XRCC4: variants seen among roughly 807,000 people sequenced by gnomAD.
XRCC4 encodes DNA repair protein XRCC4.
XRCC4 carries 28 observed loss-of-function variants against 39.1 expected under a neutral mutation model. The ratio of observed to expected loss-of-function variants is 0.72; its 90% confidence interval spans 0.53 to 0.98. The LOEUF is 0.98. Among genes scored for constraint, XRCC4 ranks in the 50% least tolerant of loss-of-function variants. XRCC4 has a pLI of 0.00. For missense variants in XRCC4, 350 were observed against 376.4 expected (o/e 0.93, Z 0.58); for synonymous variants, 123 against 126.4 (o/e 0.97, Z 0.18).
At chr5:83,125,629 C>T (rs536984456) in intron 3 of XRCC4, among the ~76,000 whole-genome samples, 6 of 152,138 alleles carry the variant, frequency 3.9e-5, no homozygotes, top group Non-Finnish European at 8.8e-5. Flanking sequence ...CCTCATGGAT[C>T]TATGTATCTG....
chr5:83,350,046 G>T (rs899481578), intron 7 of XRCC4, among the ~76,000 whole-genome samples: 2 of 152,058 alleles, frequency 1.3e-5, no homozygotes, highest in African/African-American at 4.8e-5. Flanking sequence ...AATTTGCTCT[G>T]AATTATGGCC....
intron 6 of XRCC4, among the ~76,000 whole-genome samples, chr5:83,245,438 T>C (rs1456121105): frequency 1.3e-5 from 2 of 152,088 alleles, no homozygotes; most frequent in Non-Finnish European, 2.9e-5. Flanking sequence ...TTTTAAATAA[T>C]TTATTGTCTG....
intron 6 of XRCC4, among the ~76,000 whole-genome samples, chr5:83,217,606 A>G (rs1422911393): frequency 6.6e-6 from 1 of 152,172 alleles, no homozygotes; most frequent in African/African-American, 2.4e-5. Flanking sequence ...AATGAAGTAG[A>G]GCTGAACCTC....
chr5:83,280,823 T>A (rs969165175), intron 7 of XRCC4, among the ~76,000 whole-genome samples: 17 of 152,232 alleles, frequency 1.1e-4, no homozygotes, highest in Admixed American at 3.3e-4. Context: ...GTTTATCTGT[T>A]GTTTAGTTGT....
chr5:83,364,718 T>C, the XRCC4 span, among the ~76,000 whole-genome samples: 1 of 152,316 alleles, frequency 6.6e-6, no homozygotes, highest in Non-Finnish European at 1.5e-5. Context: ...AAAAACACGG[T>C]TGAGTCTTCA....
chr5:83,307,994 C>G (rs532259344), intron 7 of XRCC4, among the ~76,000 whole-genome samples: 1 of 152,194 alleles, frequency 6.6e-6, no homozygotes, highest in South Asian at 2.1e-4. Flanking sequence ...TGTATCTTAC[C>G]AGAACATATT....
chr5:83,103,239 G>A (rs1746037972), intron 1 of XRCC4, among the ~76,000 whole-genome samples: 1 of 151,842 alleles, frequency 6.6e-6, no homozygotes, highest in African/African-American at 2.4e-5. Context: ...TTTATATTAT[G>A]TGGTTGTCTG....
the XRCC4 span, among the ~76,000 whole-genome samples, chr5:83,368,702 T>A: frequency 3.9e-5 from 6 of 152,284 alleles, no homozygotes; most frequent in East Asian, 9.6e-4. Context: ...TAGTCCTTAA[T>A]TTGCAAAAAG....
chr5:83,187,892 T>A lies in XRCC4; in HGVS notation c.316-7878T>A, dbSNP rs193035914. On this transcript the variant is annotated intron_variant, in intron 3 of 7. Transcript: ENST00000396027. ...AATTTAAATAGTCATGTGTGACTAGTGATGACTGTATTGAACAGGACAGAC... is the reference window on the plus strand; with the variant it reads ...AATTTAAATAGTCATGTGTGACTAGAGATGACTGTATTGAACAGGACAGAC... Among the ~76,000 whole-genome samples the A allele has an allele frequency of 1.1e-4, 16 of 152,276 alleles. No homozygotes were observed. The East Asian group carries it at 3.1e-3, about 29-fold the overall frequency.
At chr5:83,255,094 G>A (rs10054448) in intron 6 of XRCC4, among the ~76,000 whole-genome samples, 27,546 of 134,270 alleles carry the variant, frequency 0.21, 6,129 homozygotes, top group African/African-American at 0.57. Context: ...TCTCAAAAAA[G>A]AAAAAAAAAA....
rs947918974 is a variant in XRCC4, at chr5:83,210,238, A to G, written c.745+5317A>G. On this transcript the variant is annotated intron_variant, in intron 6 of 7. Coordinates refer to ENST00000396027, the MANE Select transcript of XRCC4 (RefSeq NM_003401.5). ...AAACTCAGCTTTAGAATAACAGATT[A>G]TGCTCTTAGTCTTGCCCAGCTTGTT... is the stretch of plus-strand genomic sequence containing the variant. 2.6e-5 allele frequency among the ~76,000 whole-genome samples: 4 copies of G among 152,306 alleles called. No individual in the cohort carries two copies. The South Asian group carries it at 8.3e-4, about 32-fold the overall frequency.
At chr5:83,284,658 A>G (rs927847260) in intron 7 of XRCC4, among the ~76,000 whole-genome samples, 3 of 152,136 alleles carry the variant, frequency 2.0e-5, no homozygotes, top group African/African-American at 7.2e-5. Context: ...TAAACAATCA[A>G]TTTAATAACT....
chr5:83,103,544 G>C (rs1746054916), intron 1 of XRCC4, among the ~76,000 whole-genome samples: 1 of 152,042 alleles, frequency 6.6e-6, no homozygotes, highest in South Asian at 2.1e-4. Context: ...CATATCCTCT[G>C]ATCCAACAAT....
At chr5:83,277,963 A>C (rs1257338034) in intron 7 of XRCC4, among the ~76,000 whole-genome samples, 1 of 152,252 alleles carries the variant, frequency 6.6e-6, no homozygotes, top group African/African-American at 2.4e-5. Flanking sequence ...AAAAGCATTT[A>C]ATATTTTGTT....
At chr5:83,314,047 A>G (rs1324408999) in intron 7 of XRCC4, among the ~76,000 whole-genome samples, 1 of 152,044 alleles carries the variant, frequency 6.6e-6, no homozygotes, top group Non-Finnish European at 1.5e-5. Flanking sequence ...TTTTATTATT[A>G]TTTAATCTCA....
chr5:83,234,823 T>A (rs1247357255), intron 6 of XRCC4, among the ~76,000 whole-genome samples: 1 of 151,906 alleles, frequency 6.6e-6, no homozygotes, highest in South Asian at 2.1e-4. Context: ...TAAAAAAAAA[T>A]TTTAAGCCTT....
At chr5:83,273,211 C>T (rs933337134) in intron 7 of XRCC4, among the ~76,000 whole-genome samples, 2 of 152,214 alleles carry the variant, frequency 1.3e-5, no homozygotes, top group Admixed American at 6.5e-5. Flanking sequence ...CTGTTGGCTG[C>T]ATAAATGTCT....
At chr5:83,289,005 A>G (rs1482459339) in intron 7 of XRCC4, among the ~76,000 whole-genome samples, 2 of 148,898 alleles carry the variant, frequency 1.3e-5, no homozygotes, top group African/African-American at 4.9e-5. Context: ...TTTTTTGTTG[A>G]CCTGTTTTTA....
At chr5:83,205,638 A>G (rs952634793) in intron 6 of XRCC4, among the ~76,000 whole-genome samples, 32 of 152,166 alleles carry the variant, frequency 2.1e-4, no homozygotes, top group Admixed American at 8.5e-4. Context: ...TTGAGTTCCT[A>G]TTATGTACTA....
Sources: allele counts gnomAD v4.1 joint callset (sites outside exome capture counted in the v4.1 genomes callset), GRCh38; gene constraint gnomAD v4.1.1; transcripts MANE v1.5; gene names NCBI Gene and HGNC (gene_info 2026-07-23, HGNC 2026-07-21).